CNTNAP5: variants seen among roughly 807,000 people sequenced by gnomAD.
CNTNAP5 encodes the protein contactin-associated protein-like 5.
In CNTNAP5, 72 loss-of-function variants were observed where a neutral mutation model predicts 150.2. That is an observed-to-expected ratio of 0.48 (90% confidence interval 0.40 to 0.58). CNTNAP5 has a LOEUF of 0.58. Among genes scored for constraint, CNTNAP5 ranks in the 20% least tolerant of loss-of-function variants. The pLI, the probability that CNTNAP5 is intolerant of heterozygous loss-of-function variation, is 0.00. For synonymous variants in CNTNAP5, 672 were observed against 619.8 expected (o/e 1.08, Z -1.25); for missense variants, 1,636 against 1,626.2 (o/e 1.01, Z -0.10).
chr2:124,098,363 G>A (rs1314342859), intron 1 of CNTNAP5, among the ~76,000 whole-genome samples: 1 of 152,108 alleles, frequency 6.6e-6, no homozygotes, highest in Non-Finnish European at 1.5e-5. Flanking sequence ...ATGCAGGGGT[G>A]GCAGAAGTGG....
At chr2:124,511,573 C>G (rs985484604) in intron 8 of CNTNAP5, among the ~76,000 whole-genome samples, 1 of 152,172 alleles carries the variant, frequency 6.6e-6, no homozygotes, top group Non-Finnish European at 1.5e-5. Flanking sequence ...AGGAGAGGAT[C>G]AGTCTAGAAT....
chr2:124,298,161 TA>T (rs1688487675), intron 3 of CNTNAP5, among the ~76,000 whole-genome samples: 1 of 152,158 alleles, frequency 6.6e-6, no homozygotes. Context: ...GTTTCTTTTT[TA>T]AAACTTTTAT....
At chr2:124,735,310 C>T (rs1018042281) in intron 13 of CNTNAP5, among the ~76,000 whole-genome samples, 3 of 152,094 alleles carry the variant, frequency 2.0e-5, no homozygotes, top group Non-Finnish European at 4.4e-5. Context: ...TCAGCTGATT[C>T]CCAGTTACAT....
At chr2:124,615,734 TG>T (rs1274275473) in intron 12 of CNTNAP5, among the ~76,000 whole-genome samples, 12 of 152,168 alleles carry the variant, frequency 7.9e-5, no homozygotes, top group African/African-American at 2.7e-4. Context: ...CCCAGACACA[TG>T]GGAGGAATTA....
chr2:124,110,294 A>G (rs757821300), intron 1 of CNTNAP5, among the ~76,000 whole-genome samples: 2 of 152,186 alleles, frequency 1.3e-5, no homozygotes, highest in Non-Finnish European at 2.9e-5. Flanking sequence ...ATATACAAAG[A>G]TAAGCAAAAC....
chr2:124,055,458 T>C (rs1020774040), intron 1 of CNTNAP5, among the ~76,000 whole-genome samples: 1 of 152,168 alleles, frequency 6.6e-6, no homozygotes, highest in African/African-American at 2.4e-5. Flanking sequence ...TCCCCTTCTC[T>C]GCCAGCCTAT....
chr2:124,397,567 A>G (rs1691284564), intron 3 of CNTNAP5, among the ~76,000 whole-genome samples: 1 of 152,214 alleles, frequency 6.6e-6, no homozygotes, highest in African/African-American at 2.4e-5. Context: ...CGTTCAGTCT[A>G]TATCATCTTC....
At chr2:124,285,142 G>A (rs566819139) in intron 3 of CNTNAP5, among the ~76,000 whole-genome samples, 1 of 152,146 alleles carries the variant, frequency 6.6e-6, no homozygotes, top group Non-Finnish European at 1.5e-5. Context: ...AACTTGAGTA[G>A]CTTTAGTTTG....
At chr2:124,101,513 C>A (rs530513064) in intron 1 of CNTNAP5, among the ~76,000 whole-genome samples, 1 of 152,304 alleles carries the variant, frequency 6.6e-6, no homozygotes, top group South Asian at 2.1e-4. Flanking sequence ...CCAGACAAGG[C>A]AGGCATATTT....
intron 20 of CNTNAP5, among the ~76,000 whole-genome samples, chr2:124,867,634 C>T (rs78752827): frequency 0.032 from 4,913 of 152,160 alleles, 267 homozygotes; most frequent in African/African-American, 0.11. Context: ...TTGTTGGTTT[C>T]CCATCATCTC....
intron 1 of CNTNAP5, among the ~76,000 whole-genome samples, chr2:124,071,166 T>C (rs1682294261): frequency 6.6e-6 from 1 of 151,678 alleles, no homozygotes; most frequent in African/African-American, 2.4e-5. Flanking sequence ...ACACAGCATA[T>C]CAAAACCTAT....
chr2:124,910,551 A>G (rs1030157298), intron 22 of CNTNAP5, among the ~76,000 whole-genome samples: 14 of 151,958 alleles, frequency 9.2e-5, no homozygotes, highest in Non-Finnish European at 1.9e-4. Context: ...ACCAATCTTG[A>G]TATTTTTCAA....
chr2:124,367,162 C>T (rs74818965), intron 3 of CNTNAP5, among the ~76,000 whole-genome samples: 12,173 of 152,204 alleles, frequency 0.08, 628 homozygotes, highest in Non-Finnish European at 0.11. Context: ...TGTTGCTTGA[C>T]GAACAGAGAC....
At chr2:124,164,324 C>A (rs578060390) in intron 1 of CNTNAP5, among the ~76,000 whole-genome samples, 1 of 152,156 alleles carries the variant, frequency 6.6e-6, no homozygotes. Flanking sequence ...AAGGCATGTG[C>A]CATTGATTAA....
chr2:124,781,809 T>A (rs1347643674), intron 17 of CNTNAP5, among the ~76,000 whole-genome samples: 1 of 152,180 alleles, frequency 6.6e-6, no homozygotes, highest in Non-Finnish European at 1.5e-5. Flanking sequence ...CAAACTCTTA[T>A]CCTCAAGGAC....
At position 124,763,993 on chromosome 2, in the gene CNTNAP5, C is replaced by T. The variant is rs766057926; in HGVS notation, c.2379C>T (p.Ala793=). ...RCYGDRRFWN[A]VSFYTEASYL... is the part of the protein sequence containing the mutation. ...CATTTGCAGGACGCTTCTGGAACGCCGTCTCATTTTATACAGAAGCCTCTT... is the reference window on the plus strand; with the variant it reads ...CATTTGCAGGACGCTTCTGGAACGCTGTCTCATTTTATACAGAAGCCTCTT... The change falls in exon 16 of 24, where the codon GCC becomes GCT. Residue 793 remains alanine (A), a synonymous_variant. Coordinates refer to ENST00000682447, the MANE Select transcript of CNTNAP5 (RefSeq NM_001367498.1). 5 of 1,611,110 alleles carry T rather than the reference C, an allele frequency of 3.1e-6. No homozygotes were observed. The highest frequency in any genetic ancestry group is 4.2e-6 in the Non-Finnish European group (5 of 1,178,738).
At chr2:124,193,116 A>G (rs1470243480) in intron 1 of CNTNAP5, among the ~76,000 whole-genome samples, 1 of 152,094 alleles carries the variant, frequency 6.6e-6, no homozygotes, top group African/African-American at 2.4e-5. Flanking sequence ...GTCTGCCTCT[A>G]TGTGTCCAAA....
intron 8 of CNTNAP5, among the ~76,000 whole-genome samples, chr2:124,523,982 G>A (rs549335915): frequency 2.0e-5 from 3 of 149,692 alleles, no homozygotes; most frequent in South Asian, 2.1e-4. Flanking sequence ...TTTCCTCTGC[G>A]TTTATACAAC....
At chr2:124,120,521 G>A (rs1683535851) in intron 1 of CNTNAP5, among the ~76,000 whole-genome samples, 1 of 152,150 alleles carries the variant, frequency 6.6e-6, no homozygotes, top group African/African-American at 2.4e-5. Context: ...GAGAAAACAA[G>A]AGTTATAACA....
Sources: allele counts gnomAD v4.1 joint callset (sites outside exome capture counted in the v4.1 genomes callset), GRCh38; gene constraint gnomAD v4.1.1; transcripts MANE v1.5; gene names NCBI Gene and HGNC (gene_info 2026-07-23, HGNC 2026-07-21).